DDHD2: variants seen among roughly 807,000 people sequenced by gnomAD.
DDHD2 encodes the protein triacylglycerol hydrolase DDHD2.
Under a neutral mutation model 91.2 loss-of-function variants are expected in DDHD2, and 62 were observed. The observed-to-expected ratio is 0.68, with a 90% confidence interval of 0.55 to 0.84. DDHD2 has a LOEUF of 0.84. Among genes scored for constraint, DDHD2 ranks in the 40% least tolerant of loss-of-function variants. DDHD2 has a pLI of 0.00. For synonymous variants in DDHD2, 271 were observed against 293.9 expected (o/e 0.92, Z 0.80); for missense variants, 740 against 846.9 (o/e 0.87, Z 1.57).
chr8:38,245,074 A>T (rs1805521521), intron 7 of DDHD2, among the ~76,000 whole-genome samples: 1 of 151,708 alleles, frequency 6.6e-6, no homozygotes, highest in East Asian at 1.9e-4. Flanking sequence ...AATTACAAAC[A>T]TGTTTTAAAC....
At chr8:38,256,376 C>G (rs1806511626) in intron 16 of DDHD2, among the ~76,000 whole-genome samples, 1 of 152,136 alleles carries the variant, frequency 6.6e-6, no homozygotes, top group South Asian at 2.1e-4. Flanking sequence ...AATCATGGCT[C>G]ACTGTTGCCT....
chr8:38,267,415 A>G, downstream of DDHD2: 1 of 1,606,166 alleles, frequency 6.2e-7, no homozygotes, highest in Non-Finnish European at 8.5e-7. Flanking sequence ...GCATGGTTGG[A>G]ACGTAAATCA....
intron 1 of DDHD2, chr8:38,268,976 A>C: frequency 6.4e-7 from 1 of 1,570,722 alleles, no homozygotes; most frequent in East Asian, 2.4e-5. Flanking sequence ...GAACGGGGGG[A>C]GCAGCTCCGT....
chr8:38,255,811 C>A (rs900240041), intron 16 of DDHD2, among the ~76,000 whole-genome samples: 1 of 152,006 alleles, frequency 6.6e-6, no homozygotes, highest in African/African-American at 2.4e-5. Flanking sequence ...TTGTTCATGT[C>A]ATTTCACCTA....
At chr8:38,269,177 A>ACCG (rs897503129) in intron 1 of DDHD2, 111 of 1,505,046 alleles carry the variant, frequency 7.4e-5, no homozygotes, top group Middle Eastern at 6.7e-4. Flanking sequence ...CCCAAAGGCC[A>ACCG]CCGCCGCCGC....
chr8:38,257,513 TGCTGGGATTACAGGCATGAGCCACTGC>T (rs2130874937), intron 16 of DDHD2, among the ~76,000 whole-genome samples: 1 of 151,870 alleles, frequency 6.6e-6, no homozygotes, highest in Admixed American at 6.6e-5. Flanking sequence ...CCTCCCAAAG[TGCTGGGATTACAGGCATGAGCCACTGC>T]GCCTGCTCAA....
intron 3 of DDHD2, among the ~76,000 whole-genome samples, chr8:38,237,141 C>T (rs989229477): frequency 1.3e-5 from 2 of 151,762 alleles, no homozygotes; most frequent in Admixed American, 6.6e-5. Flanking sequence ...TTTGGGAGGC[C>T]GAGGCAGGCA....
At chr8:38,248,104 T>C (rs1805790995) in intron 10 of DDHD2, among the ~76,000 whole-genome samples, 1 of 152,174 alleles carries the variant, frequency 6.6e-6, no homozygotes, top group Non-Finnish European at 1.5e-5. Context: ...AACAAACAAA[T>C]AAATAACCAT....
At chr8:38,240,457 G>T in intron 6 of DDHD2, 93 bp downstream of exon 6, 4 of 926,096 alleles carry the variant, frequency 4.3e-6, no homozygotes, top group Non-Finnish European at 4.9e-6. Context: ...AGCTGCATAA[G>T]AAGATTTGGA....
chr8:38,251,717 T>C, intron 11 of DDHD2, 195 bp from the exon 12 acceptor site: 4 of 498,798 alleles, frequency 8.0e-6, no homozygotes, highest in Non-Finnish European at 1.4e-5. Flanking sequence ...TATATAATCC[T>C]TTGGCTATAC....
intron 1 of DDHD2, chr8:38,270,271 T>C (rs1808404126): frequency 6.6e-6 from 1 of 152,182 alleles, no homozygotes; most frequent in Non-Finnish European, 1.5e-5. Context: ...ATCTACAAAG[T>C]TTATTACAGA....
At chr8:38,269,151 G>A (rs908953639) in intron 1 of DDHD2, 1 of 1,515,360 alleles carries the variant, frequency 6.6e-7, no homozygotes, top group South Asian at 1.2e-5. Flanking sequence ...AGCGCGAGCC[G>A]CACGCCCACT....
At chr8:38,266,100 G>A (rs903226467), downstream of DDHD2, 2 of 1,591,966 alleles carry the variant, frequency 1.3e-6, no homozygotes, top group Admixed American at 3.4e-5. Flanking sequence ...AATAAAATGA[G>A]TGAAATATGC....
intron 10 of DDHD2, among the ~76,000 whole-genome samples, chr8:38,249,130 T>G (rs1455273785): frequency 6.6e-6 from 1 of 151,596 alleles, no homozygotes; most frequent in Non-Finnish European, 1.5e-5. Flanking sequence ...TTTGTTTTTT[T>G]GAGACGGAGT....
In DDHD2 at chr8:38,246,211, CCTT is replaced by C. The variant is rs779547402; in HGVS notation, c.1058-16_1058-14del. On this transcript the variant is annotated intron_variant, in intron 8 of 17. Transcript: ENST00000397166. Reference sequence around the variant, plus strand: ...TTAGTGCTAATGCTTAGAAATTGTCCCTTCTTCTATTTTACTTATAGGTTCGCT... The same window carrying C: ...TTAGTGCTAATGCTTAGAAATTGTCCCTTCTATTTTACTTATAGGTTCGCT... 4 of 1,547,034 alleles carry C rather than the reference CCTT, an allele frequency of 2.6e-6. No individual in the cohort carries two copies. Among genetic ancestry groups the C allele is most frequent in the African/African-American group, 1.4e-5 (1 of 73,334 alleles).
chr8:38,233,067 T>G lies in DDHD2; in HGVS notation c.73T>G (p.Ser25Ala), dbSNP rs1488792840. 1.2e-6 allele frequency: 2 copies of G among 1,614,198 alleles called. No individual in the cohort carries two copies. The highest frequency in any genetic ancestry group is 1.7e-6 in the Non-Finnish European group (2 of 1,180,018). The part of the protein sequence containing the change: ...DPSPSPNSCS[S>A]FELIDMDAGS... The stretch of plus-strand genomic sequence containing the variant: ...ATCTCCGTCACCAAACTCATGTAGT[T>G]CCTTTGAGCTAATAGACATGGATGC... Residue 25 changes from serine to alanine, a missense_variant, in exon 2 of 18, where the codon TCC becomes GCC. Physicochemically the swap from Ser to Ala is moderately conservative, Grantham distance 99 (BLOSUM62 1). Coordinates refer to ENST00000397166, the MANE Select transcript of DDHD2 (RefSeq NM_015214.3).
At chr8:38,248,831 G>A (rs1805865135) in intron 10 of DDHD2, among the ~76,000 whole-genome samples, 2 of 151,414 alleles carry the variant, frequency 1.3e-5, no homozygotes, top group Non-Finnish European at 2.9e-5. Context: ...TGTAGTCCCA[G>A]CTACTTGGGA....
At chr8:38,236,491 A>G (rs1429966497) in intron 3 of DDHD2, among the ~76,000 whole-genome samples, 1 of 150,954 alleles carries the variant, frequency 6.6e-6, no homozygotes, top group African/African-American at 2.4e-5. Flanking sequence ...AGTAGCTGGG[A>G]TTACAAGCGT....
At chr8:38,267,905 G>T in intron 1 of DDHD2, 1 of 1,613,962 alleles carries the variant, frequency 6.2e-7, no homozygotes, top group South Asian at 1.1e-5. Flanking sequence ...ACCTCCCTAC[G>T]ATCAGTTTTA....
Sources: allele counts gnomAD v4.1 joint callset (sites outside exome capture counted in the v4.1 genomes callset), GRCh38; gene constraint gnomAD v4.1.1; transcripts MANE v1.5; gene names NCBI Gene and HGNC (gene_info 2026-07-23, HGNC 2026-07-21).